SLC38A12: variants seen among roughly 807,000 people sequenced by gnomAD.
The protein encoded by SLC38A12 is putative sodium-coupled neutral amino acid transporter 12.
chr17:74,833,148 C>T, the SLC38A12 span, among the ~76,000 whole-genome samples: 1 of 152,280 alleles, frequency 6.6e-6, no homozygotes, highest in South Asian at 2.1e-4. Flanking sequence ...CTCAGCCTCC[C>T]GAGTAGCTGG....
the SLC38A12 span, chr17:74,835,778 G>A: frequency 6.9e-7 from 1 of 1,438,896 alleles, no homozygotes; most frequent in Non-Finnish European, 9.2e-7. Flanking sequence ...AGCCACTGTT[G>A]AGCCACCCAA....
the SLC38A12 span, chr17:74,837,752 C>G: frequency 1.0e-6 from 1 of 985,896 alleles, no homozygotes; most frequent in Non-Finnish European, 1.2e-6. Flanking sequence ...CCCACTCAGC[C>G]ATGCACGCAC....
chr17:74,795,039 TC>T, the SLC38A12 span: 2 of 1,613,992 alleles, frequency 1.2e-6, no homozygotes, highest in Non-Finnish European at 8.5e-7. Flanking sequence ...TATTTCTGCA[TC>T]ATCGTTTACC....
At chr17:74,829,583 G>A in the SLC38A12 span, among the ~76,000 whole-genome samples, 1 of 152,184 alleles carries the variant, frequency 6.6e-6, no homozygotes, top group East Asian at 1.9e-4. The surrounding 1 kb of genome is among the most constrained non-coding windows in gnomAD (Gnocchi z 4.1). Context: ...GCGGCATTCA[G>A]GCTGCCCAGA....
chr17:74,795,359 T>C, the SLC38A12 span, among the ~76,000 whole-genome samples: 1 of 152,222 alleles, frequency 6.6e-6, no homozygotes, highest in African/African-American at 2.4e-5. Flanking sequence ...GAAATGGTGC[T>C]GCAGGAACAA....
At chr17:74,803,577 T>G in the SLC38A12 span, among the ~76,000 whole-genome samples, 1 of 152,196 alleles carries the variant, frequency 6.6e-6, no homozygotes, top group Non-Finnish European at 1.5e-5. Context: ...CTGATCCCAG[T>G]CAGACCCCGA....
At chr17:74,794,932 A>T in the SLC38A12 span, 1 of 1,116,428 alleles carries the variant, frequency 9.0e-7, no homozygotes. Flanking sequence ...GTAGAGATTT[A>T]GTCAAAAAGA....
the SLC38A12 span, among the ~76,000 whole-genome samples, chr17:74,782,288 G>A: frequency 1.3e-5 from 2 of 152,000 alleles, no homozygotes; most frequent in Non-Finnish European, 2.9e-5. Context: ...GGCTAGTCTC[G>A]AACTCCTCAG....
At chr17:74,835,094 G>A in the SLC38A12 span, among the ~76,000 whole-genome samples, 1 of 152,194 alleles carries the variant, frequency 6.6e-6, no homozygotes, top group South Asian at 2.1e-4. Flanking sequence ...AGCCAGCCTG[G>A]TCTCCATCAG....
the SLC38A12 span, chr17:74,837,996 C>T: frequency 1.0e-6 from 1 of 985,828 alleles, no homozygotes; most frequent in Middle Eastern, 5.2e-4. Context: ...TTGCTCAGCC[C>T]CTCCCCTGTA....
chr17:74,819,661 C>T, the SLC38A12 span: 13 of 1,315,410 alleles, frequency 9.9e-6, no homozygotes, highest in South Asian at 3.6e-5. Flanking sequence ...TAGCTATGGG[C>T]GGAGGCCACG....
the SLC38A12 span, chr17:74,791,157 A>AC: frequency 4.9e-6 from 4 of 820,450 alleles, no homozygotes; most frequent in South Asian, 1.6e-5. Context: ...AGCAGGTGGT[A>AC]GAGCTGCTCC....
chr17:74,802,257 A>G, the SLC38A12 span, among the ~76,000 whole-genome samples: 1 of 152,132 alleles, frequency 6.6e-6, no homozygotes, highest in Non-Finnish European at 1.5e-5. Context: ...ATCATGCCCC[A>G]CGACCTATGA....
At chr17:74,836,700 C>T in the SLC38A12 span, 1 of 1,581,008 alleles carries the variant, frequency 6.3e-7, no homozygotes, top group South Asian at 1.2e-5. The surrounding 1 kb of genome is among the most constrained non-coding windows in gnomAD (Gnocchi z 4.2). Flanking sequence ...GCAGGACAGG[C>T]AGGTCTAGTG....
chr17:74,836,392 T>G, the SLC38A12 span: 1 of 1,611,880 alleles, frequency 6.2e-7, no homozygotes, highest in East Asian at 2.2e-5. This position sits in a 1 kb window ranked among gnomAD's most constrained non-coding sequence, Gnocchi z 4.2. Context: ...GACCGCGTCG[T>G]GTTTCCCACC....
chr17:74,791,236 A>T, the SLC38A12 span, among the ~76,000 whole-genome samples: 1 of 152,158 alleles, frequency 6.6e-6, no homozygotes, highest in Non-Finnish European at 1.5e-5. Context: ...GGCATTAAAA[A>T]CAAAGAGGCC....
chr17:74,836,198 C>T, the SLC38A12 span: 6 of 1,612,480 alleles, frequency 3.7e-6, no homozygotes, highest in East Asian at 2.2e-5. The surrounding 1 kb of genome is among the most constrained non-coding windows in gnomAD (Gnocchi z 4.2). Context: ...GCGACAGCCT[C>T]ATGGACATGT....
At chr17:74,838,344 C>T in the SLC38A12 span, 1 of 995,148 alleles carries the variant, frequency 1.0e-6, no homozygotes, top group South Asian at 4.5e-5. Flanking sequence ...AGTGGTCAGG[C>T]CAAGAGCAAG....
chr17:74,815,360 T>C, the SLC38A12 span, among the ~76,000 whole-genome samples: 1 of 152,112 alleles, frequency 6.6e-6, no homozygotes, highest in Non-Finnish European at 1.5e-5. Context: ...CTGTGACAGA[T>C]CTGCAGGCAG....
Sources: allele counts gnomAD v4.1 joint callset (sites outside exome capture counted in the v4.1 genomes callset), GRCh38; gene constraint gnomAD v4.1.1; non-coding constraint Gnocchi (gnomAD v3.1); transcripts MANE v1.5; gene names NCBI Gene and HGNC (gene_info 2026-07-23, HGNC 2026-07-21).